EDA: variants seen among roughly 807,000 people sequenced by gnomAD.
The protein encoded by EDA is ectodysplasin-A.
A neutral mutation model predicts 23.6 loss-of-function variants in EDA; 2 were observed. The observed-to-expected ratio is 0.08, with a 90% CI of 0.03 to 0.27. The LOEUF (loss-of-function observed/expected upper bound fraction) is 0.27, where lower values mean the gene tolerates loss of function less well. Among genes scored for constraint, EDA ranks in the 10% least tolerant of loss-of-function variants. The pLI is 1.00. For synonymous variants in EDA, 131 were observed against 132.0 expected, an observed-to-expected ratio of 0.99 and a Z score of 0.05; for missense variants, 229 against 324.2, an observed-to-expected ratio of 0.71 and a Z score of 2.26.
intron 1 of EDA, among the ~76,000 whole-genome samples, chrX:69,668,897 C>T (rs1263540958): frequency 2.7e-5 from 3 of 111,817 alleles, no homozygotes; most frequent in South Asian, 3.7e-4. Flanking sequence ...GTATTGCTAT[C>T]GATTTCTCCT....
At chrX:69,907,713 G>T (rs5936518) in intron 1 of EDA, among the ~76,000 whole-genome samples, 22,750 of 110,894 alleles carry the variant, frequency 0.21, 1,791 homozygotes, top group African/African-American at 0.25. Flanking sequence ...ACAGCTGGCA[G>T]AACTATTCAA....
Position 69,716,329 on chromosome X carries a change from C to T in EDA, c.396+99625C>T, listed in dbSNP as rs192162210. On this transcript the variant is annotated intron_variant, in intron 1 of 7. Transcript: ENST00000374552. Reference sequence around the variant, plus strand: ...GCACCTTTATTGAATAGAGGGATTCCTTTCACCATTGCTTGTTTTTGTTGA... The same window carrying T: ...GCACCTTTATTGAATAGAGGGATTCTTTTCACCATTGCTTGTTTTTGTTGA... Among the ~76,000 whole-genome samples the T allele has an allele frequency of 6.1e-4, 68 of 111,709 alleles. 1 individual carries two copies. The highest frequency in any genetic ancestry group is 1.3e-3 in the Admixed American group (14 of 10,520).
At chrX:69,789,906 G>A (rs1477541821) in intron 1 of EDA, among the ~76,000 whole-genome samples, 1 of 111,867 alleles carries the variant, frequency 8.9e-6, no homozygotes, top group African/African-American at 3.2e-5. Flanking sequence ...TTGTAATTTG[G>A]TAAGTGTTAA....
chrX:69,890,564 T>A (rs1602513126), intron 1 of EDA, among the ~76,000 whole-genome samples: 1 of 110,601 alleles, frequency 9.0e-6, no homozygotes, highest in East Asian at 2.9e-4. Flanking sequence ...CATAGACCAA[T>A]GGAACAGAAT....
rs1230514815 is a variant in EDA, at chrX:69,788,414, T to G, written c.397-168613T>G. On this transcript the variant is annotated intron_variant, in intron 1 of 7. Coordinates refer to ENST00000374552, the MANE Select transcript of EDA (RefSeq NM_001399.5). ...TTTTCTGCTCTGTTTTTTTCCCATC[T>G]TTGTGGTTTTATCTACTTTTGGTCT... is the stretch of plus-strand genomic sequence containing the variant. Among the ~76,000 whole-genome samples, 9 of 112,121 alleles carry G rather than the reference T, an allele frequency of 8.0e-5. No homozygotes were observed. In the East Asian group the frequency reaches 2.3e-3, roughly 28 times the overall value.
chrX:69,881,967 C>T (rs1321553104), intron 1 of EDA, among the ~76,000 whole-genome samples: 1 of 111,017 alleles, frequency 9.0e-6, no homozygotes, highest in Admixed American at 9.6e-5. Flanking sequence ...AAGGGATCCA[C>T]CTCCATGACC....
In EDA at chrX:69,860,817, A is replaced by G. The variant is rs1364399674; in HGVS notation, c.397-96210A>G. 5 of 517,797 alleles carry G rather than the reference A, an allele frequency of 9.7e-6. No individual in the cohort carries two copies. In the East Asian group the frequency reaches 1.4e-4, roughly 15 times the overall value. The allele number at this position is 517,797 out of a possible 1,213,427, so 42.7% of individuals were successfully genotyped here. ...ATTCTCATGGATGATATCCTGAAAT[A>G]TGTTTTCCAAGTTGGTTCTATTCTC... is the stretch of plus-strand genomic sequence containing the variant. On this transcript the variant is annotated intron_variant, in intron 1 of 7. Transcript: ENST00000374552.
chrX:69,626,306 A>G (rs1478327396), intron 1 of EDA, among the ~76,000 whole-genome samples: 1 of 112,104 alleles, frequency 8.9e-6, no homozygotes, highest in Non-Finnish European at 1.9e-5. Context: ...ACTCCTAGGC[A>G]TATACCTAAG....
At position 69,710,900 on chromosome X, in the gene EDA, G is replaced by A. The variant is rs1366605035; in HGVS notation, c.396+94196G>A. Reference sequence around the variant, plus strand: ...GCTTAAGGAGATTTTGGGCTGAGAAGATGGGGTTTTCTAGATATACAATCA... The same window carrying A: ...GCTTAAGGAGATTTTGGGCTGAGAAAATGGGGTTTTCTAGATATACAATCA... On this transcript the variant is annotated intron_variant, in intron 1 of 7. Transcript: ENST00000374552. Among the ~76,000 whole-genome samples, 3 of 111,750 alleles carry A rather than the reference G, an allele frequency of 2.7e-5. No individual in the cohort carries two copies. In the East Asian group the frequency reaches 8.5e-4, roughly 32 times the overall value.
chrX:69,846,639 A>T (rs2017014928), intron 1 of EDA, among the ~76,000 whole-genome samples: 1 of 111,300 alleles, frequency 9.0e-6, no homozygotes, highest in South Asian at 3.8e-4. Flanking sequence ...GGGGGGGAAA[A>T]GTTGAAAAGG....
chrX:69,682,509 G>A (rs1308045871), intron 1 of EDA, among the ~76,000 whole-genome samples: 1 of 112,306 alleles, frequency 8.9e-6, no homozygotes, highest in African/African-American at 3.2e-5. Context: ...CCAGGTGTGG[G>A]ATATAATCTC....
chrX:69,740,681 T>C (rs1038317652), intron 1 of EDA, among the ~76,000 whole-genome samples: 1 of 110,964 alleles, frequency 9.0e-6, no homozygotes, highest in African/African-American at 3.3e-5. Flanking sequence ...TAGGTTAATA[T>C]TTTTCACCAA....
intron 1 of EDA, among the ~76,000 whole-genome samples, chrX:69,895,102 G>A (rs753243334): frequency 2.3e-4 from 25 of 110,994 alleles, no homozygotes; most frequent in Non-Finnish European, 3.4e-4. Flanking sequence ...CACATTTGCG[G>A]GGTGGGATTA....
chrX:69,774,973 G>A (rs950599371), intron 1 of EDA, among the ~76,000 whole-genome samples: 2 of 110,991 alleles, frequency 1.8e-5, no homozygotes, highest in Non-Finnish European at 3.8e-5. Flanking sequence ...CCCACATTTA[G>A]GATAAACTCC....
chrX:69,821,976 A>G (rs1486706707), intron 1 of EDA, among the ~76,000 whole-genome samples: 4 of 111,329 alleles, frequency 3.6e-5, no homozygotes, highest in African/African-American at 6.5e-5. Context: ...TGAGTATGCC[A>G]TAACTTTTTT....
At chrX:69,959,578 T>C (rs780675960) in intron 2 of EDA, among the ~76,000 whole-genome samples, 1 of 111,898 alleles carries the variant, frequency 8.9e-6, no homozygotes, top group Non-Finnish European at 1.9e-5. Context: ...AAACATTCAA[T>C]AAGGATTTTT....
At position 69,872,330 on chromosome X, in the gene EDA, A is replaced by G. The variant is rs1171526355; in HGVS notation, c.397-84697A>G. 4.5e-5 allele frequency among the ~76,000 whole-genome samples: 5 copies of G among 112,077 alleles called. No individual in the cohort carries two copies. The East Asian group carries it at 1.4e-3, about 31-fold the overall frequency. On this transcript the variant is annotated intron_variant, in intron 1 of 7. Transcript: ENST00000374552. ...TAAATCTCACAGGACCTATATAACAATAACACAAACAAAAAAACAAAGTAT... is the reference window on the plus strand; with the variant it reads ...TAAATCTCACAGGACCTATATAACAGTAACACAAACAAAAAAACAAAGTAT...
intron 3 of EDA, among the ~76,000 whole-genome samples, chrX:70,026,894 C>T (rs1306569706): frequency 2.7e-5 from 3 of 109,843 alleles, no homozygotes; most frequent in African/African-American, 1.0e-4. Flanking sequence ...TCCATTCCCC[C>T]ATCTCCAAAA....
chrX:69,885,770 C>T (rs1396888282), intron 1 of EDA, among the ~76,000 whole-genome samples: 1 of 111,672 alleles, frequency 9.0e-6, no homozygotes, highest in Admixed American at 9.5e-5. Context: ...ACTCCAGACC[C>T]GGAAACAGCC....
Sources: gnomAD v4.1 joint callset for allele counts (sites outside exome capture counted in the v4.1 genomes callset) on GRCh38, gnomAD v4.1.1 for gene constraint, MANE v1.5 for transcripts, NCBI Gene and HGNC (gene_info 2026-07-23, HGNC 2026-07-21) for gene names.